The following IPO11 variants were observed in gnomAD, a reference collection of about 807,000 sequenced individuals.
IPO11 encodes importin 11.
A neutral mutation model predicts 143.2 loss-of-function variants in IPO11; 66 were observed. The observed-to-expected ratio is 0.46, with a 90% CI of 0.38 to 0.57. IPO11 has a LOEUF of 0.57. Ranked by LOEUF, IPO11 falls within the 20% of genes least tolerant of loss-of-function variation. IPO11 has a pLI of 0.00. For synonymous variants in IPO11, 385 were observed against 377.8 expected, an observed-to-expected ratio of 1.02 and a Z score of -0.22; for missense variants, 1,026 against 1,141.0, an observed-to-expected ratio of 0.90 and a Z score of 1.45.
intron 1 of IPO11, among the ~76,000 whole-genome samples, chr5:62,414,399 G>C (rs1180726653): frequency 6.6e-6 from 1 of 152,040 alleles, no homozygotes; most frequent in Non-Finnish European, 1.5e-5. Context: ...ATTTGTACCT[G>C]TGTGTGTGTA....
chr5:62,481,395 T>C (rs976126408), intron 9 of IPO11, among the ~76,000 whole-genome samples: 16 of 152,260 alleles, frequency 1.1e-4, no homozygotes, highest in African/African-American at 3.6e-4. Context: ...TGGTTGTGAG[T>C]TTGTCATAAA....
At chr5:62,565,324 TAAA>T (rs1225103410) in intron 27 of IPO11, among the ~76,000 whole-genome samples, 7 of 151,994 alleles carry the variant, frequency 4.6e-5, no homozygotes, top group Non-Finnish European at 8.8e-5. Flanking sequence ...TCATCTCTAC[TAAA>T]AATACAAAGA....
At chr5:62,567,636 C>T (rs1205211531) in intron 27 of IPO11, among the ~76,000 whole-genome samples, 2 of 149,704 alleles carry the variant, frequency 1.3e-5, no homozygotes, top group Admixed American at 6.7e-5. Context: ...GATCTCGGCC[C>T]ACTGCAACCT....
At chr5:62,545,461 A>C (rs951181718) in intron 24 of IPO11, among the ~76,000 whole-genome samples, 22 of 152,360 alleles carry the variant, frequency 1.4e-4, no homozygotes, top group Non-Finnish European at 2.8e-4. Flanking sequence ...AGATGGATTA[A>C]AGACTTAAGT....
At chr5:62,603,107 C>T (rs947044438) in intron 29 of IPO11, among the ~76,000 whole-genome samples, 2 of 152,140 alleles carry the variant, frequency 1.3e-5, no homozygotes. Context: ...GTACCATGGG[C>T]TAATTGATCT....
intron 9 of IPO11, among the ~76,000 whole-genome samples, chr5:62,479,465 G>T (rs1475081732): frequency 6.6e-6 from 1 of 152,164 alleles, no homozygotes; most frequent in African/African-American, 2.4e-5. Context: ...TAATGGGATG[G>T]CTGGGTCAAA....
chr5:62,510,197 A>G (rs978537011), intron 19 of IPO11, among the ~76,000 whole-genome samples: 3 of 152,216 alleles, frequency 2.0e-5, no homozygotes, highest in Admixed American at 6.5e-5. Context: ...TGTTATGCCA[A>G]TAATTGAAAT....
chr5:62,510,114 T>C (rs541774029), intron 19 of IPO11, among the ~76,000 whole-genome samples: 23 of 152,336 alleles, frequency 1.5e-4, no homozygotes, highest in African/African-American at 5.3e-4. Flanking sequence ...TGAGGTGATA[T>C]CTCATTGTGG....
intron 18 of IPO11, among the ~76,000 whole-genome samples, chr5:62,505,132 T>C (rs926529334): frequency 6.6e-6 from 1 of 152,194 alleles, no homozygotes; most frequent in Non-Finnish European, 1.5e-5. Context: ...TTTTGTCATC[T>C]GTGTTGAAGT....
intron 28 of IPO11, among the ~76,000 whole-genome samples, chr5:62,593,372 G>A (rs1002066849): frequency 2.0e-5 from 3 of 152,138 alleles, no homozygotes; most frequent in African/African-American, 7.2e-5. Context: ...AAGTTAGCTG[G>A]GCACAGTGGC....
At position 62,497,739 on chromosome 5, in the gene IPO11, A is replaced by T. The variant is rs185593425; in HGVS notation, c.1590+3615A>T. 4.4e-3 allele frequency among the ~76,000 whole-genome samples: 664 copies of T among 152,306 alleles called. 1 individual carries two copies. The highest frequency in any genetic ancestry group is 7.9e-3 in the Non-Finnish European group (535 of 68,030). On this transcript the variant is annotated intron_variant, in intron 16 of 29. Transcript: ENST00000325324. Reference sequence around the variant, plus strand: ...CACCTTGGCCTCCCAAAGTGTTAGGATTATAGGCATTGGCCCCTCGGCCTG... The same window carrying T: ...CACCTTGGCCTCCCAAAGTGTTAGGTTTATAGGCATTGGCCCCTCGGCCTG...
chr5:62,595,271 G>A (rs1745174599), intron 28 of IPO11, among the ~76,000 whole-genome samples: 1 of 152,170 alleles, frequency 6.6e-6, no homozygotes, highest in Non-Finnish European at 1.5e-5. Context: ...GTCTTATCTT[G>A]GTGAGTGGTG....
intron 16 of IPO11, among the ~76,000 whole-genome samples, chr5:62,494,747 A>G (rs530364371): frequency 9.7e-4 from 148 of 152,080 alleles, no homozygotes; most frequent in African/African-American, 3.3e-3. Context: ...CTTTTTTCCT[A>G]CTGGTGCTTT....
At chr5:62,481,618 T>C (rs1746216980) in intron 9 of IPO11, among the ~76,000 whole-genome samples, 1 of 152,196 alleles carries the variant, frequency 6.6e-6, no homozygotes, top group Admixed American at 6.5e-5. Context: ...GCCCACTTGA[T>C]CATGGCAGAT....
chr5:62,457,696 G>C (rs1477998459), intron 5 of IPO11, among the ~76,000 whole-genome samples: 1 of 152,128 alleles, frequency 6.6e-6, no homozygotes, highest in African/African-American at 2.4e-5. Flanking sequence ...GAGACTTGCA[G>C]ACTTACTCCT....
chr5:62,472,474 A>G (rs1181798832), intron 7 of IPO11, among the ~76,000 whole-genome samples: 3 of 152,058 alleles, frequency 2.0e-5, no homozygotes, highest in Non-Finnish European at 1.5e-5. Context: ...ACATCAGTCA[A>G]TTAGAGGATA....
chr5:62,535,805 A>C (rs75647301), intron 22 of IPO11, among the ~76,000 whole-genome samples: 2 of 152,160 alleles, frequency 1.3e-5, no homozygotes, highest in African/African-American at 4.8e-5. Flanking sequence ...AGAAAAAATA[A>C]TTTGTCTTAT....
At chr5:62,570,586 ATTG>A (rs1240604490) in intron 27 of IPO11, among the ~76,000 whole-genome samples, 1 of 152,130 alleles carries the variant, frequency 6.6e-6, no homozygotes, top group Non-Finnish European at 1.5e-5. Flanking sequence ...AGGATAGATG[ATTG>A]TTCATTGCAC....
At chr5:62,591,994 C>T (rs377486278) in intron 28 of IPO11, among the ~76,000 whole-genome samples, 1 of 152,098 alleles carries the variant, frequency 6.6e-6, no homozygotes, top group East Asian at 1.9e-4. Context: ...AGATTACAGG[C>T]ATGCACCACC....
Sources: gnomAD v4.1 joint callset for allele counts (sites outside exome capture counted in the v4.1 genomes callset) on GRCh38, gnomAD v4.1.1 for gene constraint, MANE v1.5 for transcripts, NCBI Gene and HGNC (gene_info 2026-07-23, HGNC 2026-07-21) for gene names.